The following HTATSF1 variants were observed in gnomAD, a reference collection of about 807,000 sequenced individuals.
HTATSF1 encodes the protein HIV-1 Tat specific factor 1.
Under a neutral mutation model 46.1 loss-of-function variants are expected in HTATSF1, and 6 were observed. The observed-to-expected ratio is 0.13, with a 90% CI of 0.07 to 0.26. The LOEUF (loss-of-function observed/expected upper bound fraction) is 0.26. HTATSF1 is among the 10% of genes least tolerant of loss of function. The probability of loss-of-function intolerance (pLI) is 1.00; values close to 1 mark genes in which losing one functional copy is unlikely to be tolerated. For missense variants in HTATSF1, 452 were observed against 559.9 expected (o/e 0.81, Z 1.94); for synonymous variants, 226 against 211.5 (o/e 1.07, Z -0.60).
rs1318008421 is a variant in HTATSF1 at position 136,497,650 on chromosome X, T to C, written c.-35T>C. 1 of 1,128,286 alleles carries C rather than the reference T, an allele frequency of 8.9e-7. No homozygotes were observed. The highest frequency in any genetic ancestry group is 3.1e-5 in the East Asian group (1 of 31,772). The allele number at this position is 1,128,286 out of a possible 1,213,427, so 93.0% of individuals were successfully genotyped here. A position where few individuals can be genotyped will look rare whatever the true frequency, so the allele number is the denominator to read the frequency against. The stretch of plus-strand genomic sequence containing the variant: ...TCCAGCGTCATTTCGGCCTCTTAGT[T>C]CTTCTGAACCCTGCTCCTGAGCTAG... On this transcript the variant is annotated 5_prime_UTR_variant, in exon 1 of 9. Coordinates refer to ENST00000218364, the MANE Select transcript of HTATSF1 (RefSeq NM_014500.5).
At chrX:136,507,518 G>A (rs938006858) in intron 6 of HTATSF1, among the ~76,000 whole-genome samples, 1 of 107,972 alleles carries the variant, frequency 9.3e-6, no homozygotes, top group Non-Finnish European at 1.9e-5. Flanking sequence ...CCAAGATCGC[G>A]CCACTGCACT....
chrX:136,503,954 T>C (rs1327513276), intron 5 of HTATSF1, among the ~76,000 whole-genome samples: 1 of 111,292 alleles, frequency 9.0e-6, no homozygotes, highest in African/African-American at 3.3e-5. Context: ...CACTGCAACC[T>C]GTACCTCCGG....
intron 1 of HTATSF1, 27 bp downstream of exon 1, chrX:136,497,897 C>CA: frequency 9.2e-7 from 1 of 1,087,823 alleles, no homozygotes; most frequent in Non-Finnish European, 1.2e-6. Flanking sequence ...GGCGCCACTG[C>CA]AGAGCGGGCC....
chrX:136,507,388 A>G (rs2075746786), intron 6 of HTATSF1, among the ~76,000 whole-genome samples: 1 of 111,526 alleles, frequency 9.0e-6, no homozygotes, highest in Non-Finnish European at 1.9e-5. Flanking sequence ...ATACCAGGAC[A>G]TGAAGAGTCA....
chrX:136,511,556 A>G lies in HTATSF1; in HGVS notation c.1811A>G (p.Asp604Gly). The G allele has an allele frequency of 8.3e-7, 1 of 1,211,423 alleles. No homozygotes were observed. The highest frequency in any genetic ancestry group is 1.1e-6 in the Non-Finnish European group (1 of 895,289). Reference sequence around the variant, plus strand: ...GACTCTGAAAACTCCGAATTTGAAGATGACGGCTCTGAAAAAGTGTTAGAT... The same window carrying G: ...GACTCTGAAAACTCCGAATTTGAAGGTGACGGCTCTGAAAAAGTGTTAGAT... ...ENDSENSEFEDDGSEKVLDEE... is the reference protein window; with the variant it reads ...ENDSENSEFEGDGSEKVLDEE... Residue 604 changes from aspartate to glycine, a missense_variant, in exon 9 of 9, where the codon GAT becomes GGT. Asp to Gly is a moderately conservative substitution (Grantham distance 94). Coordinates refer to ENST00000218364, the MANE Select transcript of HTATSF1 (RefSeq NM_014500.5).
chrX:136,503,301 G>T (rs1027955049), intron 5 of HTATSF1, among the ~76,000 whole-genome samples: 1 of 111,836 alleles, frequency 8.9e-6, no homozygotes, highest in Non-Finnish European at 1.9e-5. Flanking sequence ...TTCTATACAG[G>T]TTTGTTATAG....
Position 136,497,812 on chromosome X carries a change from A to G in HTATSF1, c.128A>G (p.Gln43Arg), listed in dbSNP as rs1375893480. The G allele has an allele frequency of 8.4e-7, 1 of 1,197,181 alleles. No individual in the cohort carries two copies. The highest frequency in any genetic ancestry group is 1.1e-6 in the Non-Finnish European group (1 of 886,154). ...DAGGEPDSLG[Q>R]QPTDTPYEWD... ...GGCGGAGAACCCGATTCTCTCGGGC[A>G]GCAGCCGACGGACACTCCCTACGAG... Residue 43 changes from glutamine to arginine, a missense_variant, in exon 1 of 9, where the codon CAG (glutamine) becomes CGG (arginine). Gln to Arg is a conservative substitution (Grantham distance 43, BLOSUM62 1). Coordinates refer to ENST00000218364, the MANE Select transcript of HTATSF1 (RefSeq NM_014500.5).
In HTATSF1 at chrX:136,497,778, A is replaced by G. The variant is rs768522687; in HGVS notation, c.94A>G (p.Thr32Ala). 1 of 1,204,871 alleles carries G rather than the reference A, an allele frequency of 8.3e-7. No homozygotes were observed. Among genetic ancestry groups the G allele is most frequent in the Middle Eastern group, 2.3e-4 (1 of 4,313 alleles). The change falls in exon 1 of 9, where the codon ACC becomes GCC. Residue 32 changes from threonine (T) to alanine (A), a missense_variant. Around this residue, in one of 3 missense-constraint regions of HTATSF1, gnomAD observed 89 missense variants for 92.3 expected, o/e 0.96. Coordinates refer to ENST00000218364, the MANE Select transcript of HTATSF1 (RefSeq NM_014500.5). ...YGDGKDGDTQ[T>A]DAGGEPDSLG... ...AGACGGCAAGGATGGTGACACCCAGACCGATGCCGGCGGAGAACCCGATTC... is the reference window on the plus strand; with the variant it reads ...AGACGGCAAGGATGGTGACACCCAGGCCGATGCCGGCGGAGAACCCGATTC...
At chrX:136,509,587 A>C (rs192316152) in intron 7 of HTATSF1, among the ~76,000 whole-genome samples, 1 of 112,104 alleles carries the variant, frequency 8.9e-6, no homozygotes, top group African/African-American at 3.2e-5. Context: ...TTGACACCCA[A>C]TAATTAAGAG....
rs1430585389 is a variant in HTATSF1, at chrX:136,497,998, T to C, written c.186+128T>C. 2.4e-5 allele frequency: 10 copies of C among 421,498 alleles called. No individual in the cohort carries two copies. In the South Asian group the frequency reaches 5.2e-4, roughly 22 times the overall value. 34.7% of individuals were successfully genotyped at this position (421,498 alleles called of 1,213,427 possible). A position where few individuals can be genotyped will look rare whatever the true frequency, so the allele number is the denominator to read the frequency against. On this transcript the variant is annotated intron_variant, in intron 1 of 8. Coordinates refer to ENST00000218364, the MANE Select transcript of HTATSF1 (RefSeq NM_014500.5). Reference sequence around the variant, plus strand: ...TAGCCCCCTTGAATAGCGACGCTTCTTTTTGTTGTGTTTGTTGGGGCACCG... The same window carrying C: ...TAGCCCCCTTGAATAGCGACGCTTCCTTTTGTTGTGTTTGTTGGGGCACCG...
chrX:136,501,553 C>T (rs1340444554), intron 4 of HTATSF1, among the ~76,000 whole-genome samples: 1 of 112,382 alleles, frequency 8.9e-6, no homozygotes, highest in African/African-American at 3.2e-5. Flanking sequence ...TTCTGGAACA[C>T]CTGCCACCTT....
intron 6 of HTATSF1, among the ~76,000 whole-genome samples, chrX:136,507,237 T>G (rs745645021): frequency 2.7e-5 from 3 of 111,978 alleles, no homozygotes; most frequent in African/African-American, 9.7e-5. Context: ...TGGAGGGGTA[T>G]ATTTTGATTC....
In HTATSF1 at chrX:136,509,332, G is replaced by A. The variant is rs774621655; in HGVS notation, c.924+152G>A. On this transcript the variant is annotated intron_variant, in intron 7 of 8. Coordinates refer to ENST00000218364, the MANE Select transcript of HTATSF1 (RefSeq NM_014500.5). ...GATAATCATCTATTAGCAATAATGA[G>A]ATGAACGTGGATTACAAGCCAAGGA... 6.9e-5 allele frequency: 30 copies of A among 433,709 alleles called. No individual in the cohort carries two copies. In the South Asian group the frequency reaches 1.2e-3, roughly 17 times the overall value. The allele number at this position is 433,709 out of a possible 1,213,427, so 35.7% of individuals were successfully genotyped here.
intron 4 of HTATSF1, among the ~76,000 whole-genome samples, chrX:136,502,266 A>G (rs1386646889): frequency 8.9e-6 from 1 of 111,984 alleles, no homozygotes; most frequent in Non-Finnish European, 1.9e-5. Flanking sequence ...TGGTGTTCCC[A>G]ATTCCTTGAG....
intron 8 of HTATSF1, 57 bp downstream of exon 8, chrX:136,510,276 A>G: frequency 9.4e-7 from 1 of 1,066,183 alleles, no homozygotes; most frequent in South Asian, 2.5e-5. Context: ...ACAAATACTG[A>G]TCCTTCAGAT....
Position 136,501,073 on chromosome X carries a change from A to G in HTATSF1, c.570+255A>G, listed in dbSNP as rs1286583973. ...TCTTCTGTCTTGAAAAATTCTCACTAGAAAGATTTTTTTATTGATGTGTAC... is the reference window on the plus strand; with the variant it reads ...TCTTCTGTCTTGAAAAATTCTCACTGGAAAGATTTTTTTATTGATGTGTAC... On this transcript the variant is annotated intron_variant, in intron 4 of 8. Transcript: ENST00000218364. Among the ~76,000 whole-genome samples, 3 of 112,479 alleles carry G rather than the reference A, an allele frequency of 2.7e-5. No homozygotes were observed. The Admixed American group carries it at 2.8e-4, about 11-fold the overall frequency.
chrX:136,499,243 G>A (rs999288297), intron 1 of HTATSF1, among the ~76,000 whole-genome samples: 1 of 112,193 alleles, frequency 8.9e-6, no homozygotes, highest in African/African-American at 3.2e-5. Flanking sequence ...TTTATTATCT[G>A]GTTCTTCCTT....
At chrX:136,504,301 T>C (rs913278087) in intron 5 of HTATSF1, 63 bp from the exon 6 acceptor site, 5 of 793,135 alleles carry the variant, frequency 6.3e-6, no homozygotes, top group Non-Finnish European at 9.5e-6. Context: ...AACTCATTCT[T>C]TTCTCTCTCC....
chrX:136,504,593 G>A, intron 6 of HTATSF1, 130 bp downstream of exon 6: 1 of 454,284 alleles, frequency 2.2e-6, no homozygotes, highest in Non-Finnish European at 3.8e-6. Flanking sequence ...AGTAAAGGAA[G>A]ATGGAGCCAA....
Sources: allele counts gnomAD v4.1 joint callset (sites outside exome capture counted in the v4.1 genomes callset), GRCh38; gene constraint gnomAD v4.1.1; regional missense constraint gnomAD v4.1.1; transcripts MANE v1.5; gene names NCBI Gene and HGNC (gene_info 2026-07-23, HGNC 2026-07-21).